Variants in PDE4D observed in about 807,000 individuals in gnomAD.
PDE4D encodes the protein 3',5'-cyclic-AMP phosphodiesterase 4D.
Under a neutral mutation model 87.4 loss-of-function variants are expected in PDE4D, and 24 were observed. The ratio of observed to expected loss-of-function variants is 0.27; its 90% CI spans 0.20 to 0.39. The LOEUF is 0.39. Among genes scored for constraint, PDE4D ranks in the 10% least tolerant of loss-of-function variants. The probability of loss-of-function intolerance (pLI) is 1.00; values close to 1 mark genes in which losing one functional copy is unlikely to be tolerated. For synonymous variants in PDE4D, 384 were observed against 383.2 expected (o/e 1.00, Z -0.02); for missense variants, 714 against 1,041.0 (o/e 0.69, Z 4.32).
chr5:59,252,327 G>C (rs893158692), intron 1 of PDE4D, among the ~76,000 whole-genome samples: 31 of 152,136 alleles, frequency 2.0e-4, no homozygotes, highest in African/African-American at 7.2e-4. Context: ...GTCCAGCAGA[G>C]TGCTTAATGG....
chr5:59,125,640 G>T (rs919810626), intron 5 of PDE4D, among the ~76,000 whole-genome samples: 4 of 152,184 alleles, frequency 2.6e-5, no homozygotes, highest in Admixed American at 1.3e-4. Flanking sequence ...TAGGTGGGAA[G>T]AAGGGAGAAA....
At chr5:59,069,527 C>A in intron 5 of PDE4D, among the ~76,000 whole-genome samples, 1 of 88,380 alleles carries the variant, frequency 1.1e-5, no homozygotes, top group East Asian at 3.6e-4. Context: ...TTTTTTTTTT[C>A]CCTAATCCCG....
intron 2 of PDE4D, among the ~76,000 whole-genome samples, chr5:60,101,389 T>C (rs1776200716): frequency 6.6e-6 from 1 of 152,106 alleles, no homozygotes; most frequent in African/African-American, 2.4e-5. Flanking sequence ...ATTCTGAATC[T>C]CAGGGCACAA....
At chr5:59,806,544 TTGAC>T (rs1468927349) in intron 1 of PDE4D, among the ~76,000 whole-genome samples, 1 of 152,360 alleles carries the variant, frequency 6.6e-6, no homozygotes, top group African/African-American at 2.4e-5. Context: ...TCTCAGCTGA[TTGAC>T]AGTCAACAAG....
chr5:60,241,424 C>T (rs1041168464), intron 1 of PDE4D, among the ~76,000 whole-genome samples: 1 of 151,976 alleles, frequency 6.6e-6, no homozygotes, highest in African/African-American at 2.4e-5. Context: ...CAGGCACACG[C>T]CACCACACTT....
At chr5:59,220,432 A>G (rs1395774972) in intron 1 of PDE4D, among the ~76,000 whole-genome samples, 2 of 151,576 alleles carry the variant, frequency 1.3e-5, no homozygotes, top group African/African-American at 4.8e-5. Context: ...TAAAAAAAAA[A>G]AGGAGAAAAA....
chr5:59,184,801 G>A (rs532328351), intron 4 of PDE4D, among the ~76,000 whole-genome samples: 39 of 152,148 alleles, frequency 2.6e-4, no homozygotes, highest in South Asian at 4.1e-4. Context: ...ATGATATGGC[G>A]CTTCTCCAAA....
At chr5:60,406,634 T>C (rs997837728) in intron 1 of PDE4D, among the ~76,000 whole-genome samples, 1 of 152,202 alleles carries the variant, frequency 6.6e-6, no homozygotes, top group African/African-American at 2.4e-5. Context: ...TTGATTATTG[T>C]GTAGGAGTTT....
intron 3 of PDE4D, among the ~76,000 whole-genome samples, chr5:59,929,243 T>G (rs1181268185): frequency 6.6e-6 from 1 of 152,208 alleles, no homozygotes; most frequent in Non-Finnish European, 1.5e-5. Context: ...AGTATAATAT[T>G]GTAGACATTT....
chr5:60,118,651 T>C (rs1324377298), intron 2 of PDE4D, among the ~76,000 whole-genome samples: 1 of 151,604 alleles, frequency 6.6e-6, no homozygotes, highest in Non-Finnish European at 1.5e-5. Context: ...CAAATGGCCA[T>C]TCAGAATTGA....
At chr5:59,157,847 C>T (rs923564837) in intron 5 of PDE4D, among the ~76,000 whole-genome samples, 1 of 152,108 alleles carries the variant, frequency 6.6e-6, no homozygotes, top group Admixed American at 6.5e-5. Context: ...TGGAGCCAGA[C>T]TGATGGAACA....
At chr5:59,566,533 CATGTGTGTGTGTGTGT>C (rs1469668130) in intron 1 of PDE4D, among the ~76,000 whole-genome samples, 3 of 102,638 alleles carry the variant, frequency 2.9e-5, no homozygotes, top group African/African-American at 7.3e-5. Context: ...GTCACAGTTT[CATGTGTGTGTGTGTGT>C]GTGTGTGTGT....
intron 1 of PDE4D, among the ~76,000 whole-genome samples, chr5:59,271,215 T>A (rs2153541236): frequency 1.3e-5 from 2 of 152,096 alleles, no homozygotes; most frequent in Middle Eastern, 6.8e-3. Flanking sequence ...ATTTTTGGAT[T>A]TTTAGTAGAG....
chr5:59,199,041 T>C (rs1461959394), intron 2 of PDE4D, among the ~76,000 whole-genome samples: 1 of 152,212 alleles, frequency 6.6e-6, no homozygotes, highest in Non-Finnish European at 1.5e-5. Flanking sequence ...GTTTTACTAT[T>C]ACGAAATCAT....
intron 1 of PDE4D, among the ~76,000 whole-genome samples, chr5:59,646,184 A>G (rs190180448): frequency 1.2e-3 from 188 of 152,338 alleles, no homozygotes; most frequent in Non-Finnish European, 2.4e-3. Context: ...TCCACATTCA[A>G]TACATATTCC....
chr5:60,211,097 T>C (rs1315206178), intron 1 of PDE4D, among the ~76,000 whole-genome samples: 1 of 152,218 alleles, frequency 6.6e-6, no homozygotes, highest in Non-Finnish European at 1.5e-5. Context: ...CATTGAGCCC[T>C]GTCACTCTGC....
At chr5:59,838,689 T>C (rs1351779457) in intron 1 of PDE4D, among the ~76,000 whole-genome samples, 1 of 152,204 alleles carries the variant, frequency 6.6e-6, no homozygotes, top group East Asian at 1.9e-4. Context: ...CTTAGAGGTG[T>C]TCTAGCATAA....
At chr5:60,203,939 A>G (rs963104583) in intron 1 of PDE4D, among the ~76,000 whole-genome samples, 2 of 152,236 alleles carry the variant, frequency 1.3e-5, no homozygotes, top group Non-Finnish European at 2.9e-5. Flanking sequence ...AAAGATTAAC[A>G]TGTTTATAAA....
At chr5:59,018,854 G>A (rs551100261) in intron 6 of PDE4D, among the ~76,000 whole-genome samples, 63 of 151,722 alleles carry the variant, frequency 4.2e-4, no homozygotes, top group Non-Finnish European at 8.7e-4. Flanking sequence ...AACCTTTAAT[G>A]AGCACTGTCA....
Sources: allele counts gnomAD v4.1 joint callset (sites outside exome capture counted in the v4.1 genomes callset), GRCh38; gene constraint gnomAD v4.1.1; transcripts MANE v1.5; gene names NCBI Gene and HGNC (gene_info 2026-07-23, HGNC 2026-07-21).